Variants in COL22A1 observed in about 807,000 individuals in gnomAD.
The protein encoded by COL22A1 is collagen alpha-1(XXII) chain.
COL22A1 carries 221 observed loss-of-function variants against 248.9 expected under a neutral mutation model. The ratio of observed to expected loss-of-function variants is 0.89; its 90% CI spans 0.80 to 0.99. The LOEUF (loss-of-function observed/expected upper bound fraction) is 0.99. Ranked by LOEUF, COL22A1 falls within the 50% of genes least tolerant of loss-of-function variation. COL22A1 has a pLI of 0.00. For missense variants in COL22A1, 2,240 were observed against 2,179.0 expected, an observed-to-expected ratio of 1.03 and a Z score of -0.56; for synonymous variants, 891 against 793.4, an observed-to-expected ratio of 1.12 and a Z score of -2.07.
At chr8:138,608,343 T>C (rs955958969) in intron 56 of COL22A1, among the ~76,000 whole-genome samples, 2 of 152,140 alleles carry the variant, frequency 1.3e-5, no homozygotes, top group African/African-American at 4.8e-5. Flanking sequence ...AAACAAACCA[T>C]CTAATACAAC....
rs56824708 is a variant in COL22A1, at chr8:138,612,935, C to CAA, written c.3978+930_3978+931dup. 1.3e-3 allele frequency among the ~76,000 whole-genome samples: 55 copies of CAA among 40,908 alleles called. 4 individuals carry two copies. The highest frequency in any genetic ancestry group is 2.1e-3 in the African/African-American group (18 of 8,450). The allele number at this position is 40,908 out of a possible 152,430, so 26.8% of individuals were successfully genotyped here. A position where few individuals can be genotyped will look rare whatever the true frequency, so the allele number is the denominator to read the frequency against. ...TGGGTGACACAGCAGGACTCCATCTCAAAAAAAAAAAAAAAAAAAAAAAAA... is the reference window on the plus strand; with the variant it reads ...TGGGTGACACAGCAGGACTCCATCTCAAAAAAAAAAAAAAAAAAAAAAAAAAA... On this transcript the variant is annotated intron_variant, in intron 56 of 64. Transcript: ENST00000303045.
chr8:138,602,259 G>C (rs1587645430), intron 59 of COL22A1, 100 bp from the exon 60 acceptor site: 6 of 1,385,338 alleles, frequency 4.3e-6, no homozygotes, highest in Non-Finnish European at 6.1e-6. Flanking sequence ...TGAGGACAAG[G>C]GACCCTCAAA....
intron 58 of COL22A1, among the ~76,000 whole-genome samples, chr8:138,605,489 A>G (rs1247573954): frequency 6.6e-6 from 1 of 152,196 alleles, no homozygotes; most frequent in Non-Finnish European, 1.5e-5. Flanking sequence ...AAGCCCACGT[A>G]AAAATCAGTG....
At chr8:138,905,652 C>T (rs1814951039) in intron 1 of COL22A1, among the ~76,000 whole-genome samples, 1 of 152,162 alleles carries the variant, frequency 6.6e-6, no homozygotes, top group African/African-American at 2.4e-5. Flanking sequence ...TTATAAATTC[C>T]CCTTTACTGT....
intron 1 of COL22A1, among the ~76,000 whole-genome samples, chr8:138,910,284 A>G (rs888654991): frequency 2.6e-5 from 4 of 152,150 alleles, no homozygotes; most frequent in Admixed American, 6.5e-5. Flanking sequence ...TCAGACACCA[A>G]TTCTTCCCCT....
intron 16 of COL22A1, among the ~76,000 whole-genome samples, chr8:138,765,768 CT>C (rs1319793401): frequency 1.3e-5 from 2 of 152,220 alleles, no homozygotes; most frequent in Non-Finnish European, 2.9e-5. Flanking sequence ...CCCAGCTCAG[CT>C]TCCTTGTGCC....
chr8:138,664,166 T>C (rs575178366), intron 41 of COL22A1, among the ~76,000 whole-genome samples: 1 of 145,744 alleles, frequency 6.9e-6, no homozygotes, highest in African/African-American at 2.6e-5. Flanking sequence ...GAGGCTGCAG[T>C]AGTCATGCTC....
intron 1 of COL22A1, among the ~76,000 whole-genome samples, chr8:138,896,243 T>G (rs1253967083): frequency 6.6e-6 from 1 of 151,956 alleles, no homozygotes; most frequent in Non-Finnish European, 1.5e-5. Flanking sequence ...TTTTCATGAG[T>G]TTTTAAAAAA....
intron 23 of COL22A1, among the ~76,000 whole-genome samples, chr8:138,734,543 G>A (rs528970910): frequency 3.3e-5 from 5 of 152,334 alleles, no homozygotes; most frequent in South Asian, 4.1e-4. Context: ...GGCTCTGGCC[G>A]TGGAGAAACA....
At chr8:138,759,724 A>G (rs1833290654) in intron 18 of COL22A1, among the ~76,000 whole-genome samples, 1 of 142,378 alleles carries the variant, frequency 7.0e-6, no homozygotes, top group Non-Finnish European at 1.5e-5. Flanking sequence ...AACCTGGAAG[A>G]TATTCTAAAA....
chr8:138,652,749 T>C lies in COL22A1; in HGVS notation c.3334-2971A>G, dbSNP rs1376523251. ...TTCCTTTTCTGGTTTTTTTTTTTTT[T>C]TTTTTTTTTTTTTTGGAGACAGAGT... On this transcript the variant is annotated intron_variant, in intron 45 of 64. Transcript: ENST00000303045. Among the ~76,000 whole-genome samples, 74 of 107,914 alleles carry C rather than the reference T, an allele frequency of 6.9e-4. 1 individual carries two copies. The highest frequency in any genetic ancestry group is 2.4e-3 in the African/African-American group (68 of 28,566). 70.8% of individuals were successfully genotyped at this position (107,914 alleles called of 152,430 possible). A position where few individuals can be genotyped will look rare whatever the true frequency, so the allele number is the denominator to read the frequency against.
intron 12 of COL22A1, among the ~76,000 whole-genome samples, chr8:138,788,416 G>A (rs189864950): frequency 9.3e-4 from 142 of 152,250 alleles, no homozygotes; most frequent in South Asian, 5.0e-3. Flanking sequence ...TGTAAAACAA[G>A]GACAGCAATA....
chr8:138,725,340 GA>G, intron 24 of COL22A1, 46 bp downstream of exon 24: 1 of 1,592,948 alleles, frequency 6.3e-7, no homozygotes, highest in Non-Finnish European at 8.6e-7. Context: ...CACAGGCCAG[GA>G]AACCACCATC....
chr8:138,880,216 A>C (rs1824086694), intron 2 of COL22A1, among the ~76,000 whole-genome samples: 1 of 152,270 alleles, frequency 6.6e-6, no homozygotes, highest in Admixed American at 6.5e-5. Flanking sequence ...CAGCCATGAC[A>C]GTGATGGCTG....
At chr8:138,819,789 A>G (rs1336521975) in intron 7 of COL22A1, among the ~76,000 whole-genome samples, 3 of 151,072 alleles carry the variant, frequency 2.0e-5, no homozygotes, top group Admixed American at 6.6e-5. Flanking sequence ...CACACATATA[A>G]AGGTCACTTT....
intron 16 of COL22A1, among the ~76,000 whole-genome samples, chr8:138,763,957 G>A (rs1288007165): frequency 6.6e-6 from 1 of 152,200 alleles, no homozygotes; most frequent in African/African-American, 2.4e-5. Context: ...CGTTCCTGGA[G>A]CCTCAGTGTG....
At position 138,806,090 on chromosome 8, in the gene COL22A1, G is replaced by T. The variant is rs1293709791; in HGVS notation, c.1494+1678C>A. Among the ~76,000 whole-genome samples, 7 of 15,588 alleles carry T rather than the reference G, an allele frequency of 4.5e-4. 1 individual carries two copies. Among genetic ancestry groups the T allele is most frequent in the Non-Finnish European group, 1.5e-3 (7 of 4,790 alleles). 10.2% of individuals were successfully genotyped at this position (15,588 alleles called of 152,430 possible). A position where few individuals can be genotyped will look rare whatever the true frequency, so the allele number is the denominator to read the frequency against. Reference sequence around the variant, plus strand: ...GGTGTGTGTGATGGTGTGTGTAATGGTGTGTGATGGTGTGTTTGTGTGTGA... The same window carrying T: ...GGTGTGTGTGATGGTGTGTGTAATGTTGTGTGATGGTGTGTTTGTGTGTGA... On this transcript the variant is annotated intron_variant, in intron 10 of 64. Coordinates refer to ENST00000303045, the MANE Select transcript of COL22A1 (RefSeq NM_152888.3).
At chr8:138,638,038 C>T (rs926756297) in intron 47 of COL22A1, among the ~76,000 whole-genome samples, 2 of 149,756 alleles carry the variant, frequency 1.3e-5, no homozygotes, top group African/African-American at 5.0e-5. Flanking sequence ...CACCATCATC[C>T]TCATCATCAT....
Position 138,824,564 on chromosome 8 carries a change from C to A in COL22A1, c.969+2094G>T, listed in dbSNP as rs555530933. On this transcript the variant is annotated intron_variant, in intron 6 of 64. Transcript: ENST00000303045. The stretch of plus-strand genomic sequence containing the variant: ...CTGGCCTACAAGACTTATTGAAACC[C>A]AGCCTCAGTTTACCCAAATGACAAA... Among the ~76,000 whole-genome samples the A allele has an allele frequency of 7.9e-5, 12 of 152,292 alleles. No individual in the cohort carries two copies. The South Asian group carries it at 2.3e-3, about 29-fold the overall frequency.
Sources: gnomAD v4.1 joint callset for allele counts (sites outside exome capture counted in the v4.1 genomes callset) on GRCh38, gnomAD v4.1.1 for gene constraint, MANE v1.5 for transcripts, NCBI Gene and HGNC (gene_info 2026-07-23, HGNC 2026-07-21) for gene names.